The following TMEM260 variants were observed in gnomAD, a reference collection of about 807,000 sequenced individuals.
The protein encoded by TMEM260 is protein O-mannosyl-transferase TMEM260.
TMEM260 carries 82 observed loss-of-function variants against 88.9 expected under a neutral mutation model. The observed-to-expected ratio is 0.92, with a 90% CI of 0.77 to 1.11. The LOEUF is 1.11. TMEM260 is among the 50% of genes least tolerant of loss of function. The pLI, the probability that TMEM260 is intolerant of heterozygous loss-of-function variation, is 0.00. For synonymous variants in TMEM260, 314 were observed against 309.3 expected (o/e 1.02, Z -0.16); for missense variants, 902 against 853.4 (o/e 1.06, Z -0.71).
downstream of TMEM260, among the ~76,000 whole-genome samples, chr14:56,654,842 AT>A (rs142760637): frequency 0.054 from 5,182 of 96,152 alleles, 496 homozygotes; most frequent in African/African-American, 0.17. Context: ...AAAAAAAAAA[AT>A]GTTAAATGTC....
intron 15 of TMEM260, among the ~76,000 whole-genome samples, chr14:56,645,625 C>G (rs1889916183): frequency 7.6e-6 from 1 of 130,870 alleles, no homozygotes; most frequent in Non-Finnish European, 1.8e-5. Flanking sequence ...CACATGTACC[C>G]TAAAACTTAA....
chr14:56,624,322 C>G (rs892815174), intron 11 of TMEM260, among the ~76,000 whole-genome samples: 1 of 152,078 alleles, frequency 6.6e-6, no homozygotes, highest in African/African-American at 2.4e-5. Flanking sequence ...GTCTGTAATC[C>G]CAGAACTTTG....
In TMEM260 at chr14:56,634,854, A is replaced by AG. The variant is rs775887695; in HGVS notation, c.1725-45_1725-44insG. ...CAAAATTCTGTCTCAAAAAAAAAAA[A>AG]AAAGTGGGTGACAGAAAGATATTAC... On this transcript the variant is annotated intron_variant, in intron 13 of 15. Transcript: ENST00000261556. The AG allele has an allele frequency of 1.5e-5, 23 of 1,579,504 alleles. No individual in the cohort carries two copies. The Middle Eastern group carries it at 5.1e-4, about 35-fold the overall frequency.
chr14:56,610,125 C>T (rs149724766), intron 6 of TMEM260, among the ~76,000 whole-genome samples: 5 of 152,092 alleles, frequency 3.3e-5, no homozygotes, highest in African/African-American at 1.2e-4. Flanking sequence ...ACACCAAATT[C>T]AAGGTAGTAG....
intron 12 of TMEM260, among the ~76,000 whole-genome samples, chr14:56,628,591 T>C (rs113588926): frequency 9.9e-5 from 15 of 152,266 alleles, no homozygotes; most frequent in African/African-American, 3.4e-4. Flanking sequence ...CCTTTCTTCA[T>C]TGCATTGTAT....
chr14:56,586,593 A>G (rs762164370), intron 3 of TMEM260, among the ~76,000 whole-genome samples: 8 of 152,134 alleles, frequency 5.3e-5, no homozygotes, highest in Non-Finnish European at 1.0e-4. Flanking sequence ...CCTATACCTA[A>G]GAGGATTATA....
chr14:56,656,179 G>A, the TMEM260 span, among the ~76,000 whole-genome samples: 4 of 152,178 alleles, frequency 2.6e-5, no homozygotes, highest in Admixed American at 2.0e-4. Context: ...CACTTTGGGA[G>A]GCTGAGATGG....
chr14:56,611,400 CTG>C (rs2139573267), intron 6 of TMEM260, among the ~76,000 whole-genome samples: 1 of 152,068 alleles, frequency 6.6e-6, no homozygotes, highest in East Asian at 1.9e-4. Context: ...CATTTAAAAC[CTG>C]TGTCTTTTAG....
At position 56,609,036 on chromosome 14, in the gene TMEM260, T is replaced by C. The variant is rs1594841182; in HGVS notation, c.637-70T>C. On this transcript the variant is annotated intron_variant, in intron 5 of 15. Transcript: ENST00000261556. The stretch of plus-strand genomic sequence containing the variant: ...AACATATTTGATGTTTTCCTTGATA[T>C]GTTCTTGAAGTTCCGAGATGAATCT... 11 of 1,479,354 alleles carry C rather than the reference T, an allele frequency of 7.4e-6. No individual in the cohort carries two copies. The East Asian group carries it at 9.1e-5, about 12-fold the overall frequency. 91.6% of individuals were successfully genotyped at this position (1,479,354 alleles called of 1,614,324 possible). A position where few individuals can be genotyped will look rare whatever the true frequency, so the allele number is the denominator to read the frequency against.
intron 13 of TMEM260, 170 bp downstream of exon 13, chr14:56,633,341 C>G (rs756679944): frequency 3.8e-5 from 20 of 529,382 alleles, no homozygotes; most frequent in Non-Finnish European, 6.2e-5. Context: ...ATGTCCTTCT[C>G]GTTCTCCTAC....
At chr14:56,634,873 A>G (rs746083977) in intron 13 of TMEM260, 26 bp from the exon 14 acceptor site, 16 of 1,592,290 alleles carry the variant, frequency 1.0e-5, no homozygotes, top group African/African-American at 1.4e-5. Flanking sequence ...TGACAGAAAG[A>G]TATTACTGTT....
chr14:56,638,965 G>T (rs138631810), intron 15 of TMEM260, among the ~76,000 whole-genome samples: 5 of 152,196 alleles, frequency 3.3e-5, no homozygotes, highest in Non-Finnish European at 7.4e-5. Context: ...TGGTACATGT[G>T]ACTTAATAGG....
At chr14:56,585,335 A>G (rs1363523706) in intron 2 of TMEM260, among the ~76,000 whole-genome samples, 3 of 152,114 alleles carry the variant, frequency 2.0e-5, no homozygotes, top group Non-Finnish European at 2.9e-5. Flanking sequence ...AATAAACTTT[A>G]TTATGGTGCA....
chr14:56,659,767 G>A, the TMEM260 span, among the ~76,000 whole-genome samples: 4 of 152,186 alleles, frequency 2.6e-5, no homozygotes, highest in East Asian at 1.9e-4. Context: ...GATGAGTCAG[G>A]TTTTTGTAGC....
intron 1 of TMEM260, among the ~76,000 whole-genome samples, chr14:56,582,098 A>G (rs1170280751): frequency 6.6e-6 from 1 of 152,218 alleles, no homozygotes; most frequent in South Asian, 2.1e-4. Flanking sequence ...ATATGCCAAT[A>G]TGGAAAATTT....
In TMEM260 at chr14:56,647,711, T is replaced by C. The variant is rs1478646788; in HGVS notation, c.*214T>C. The C allele has an allele frequency of 7.6e-6, 4 of 526,442 alleles. No individual in the cohort carries two copies. The African/African-American group carries it at 7.9e-5, about 10-fold the overall frequency. The allele number at this position is 526,442 out of a possible 1,614,324, so 32.6% of individuals were successfully genotyped here. A position where few individuals can be genotyped will look rare whatever the true frequency, so the allele number is the denominator to read the frequency against. On this transcript the variant is annotated 3_prime_UTR_variant, in exon 16 of 16. Transcript: ENST00000261556. ...TTCTGTTTATCCCGTGTTACCAAAT[T>C]ACCATTTCAGTGAGAAGCTTTTGAA... is the stretch of plus-strand genomic sequence containing the variant.
chr14:56,608,764 A>G (rs1469874409), intron 5 of TMEM260, among the ~76,000 whole-genome samples: 1 of 152,254 alleles, frequency 6.6e-6, no homozygotes, highest in Non-Finnish European at 1.5e-5. Context: ...CAAACAACAC[A>G]TAATCACTTC....
Position 56,580,068 on chromosome 14 carries a change from G to T in TMEM260, c.154G>T (p.Asp52Tyr). 8.0e-7 allele frequency: 1 copy of T among 1,251,910 alleles called. No individual in the cohort carries two copies. The highest frequency in any genetic ancestry group is 3.1e-5 in the East Asian group (1 of 32,184). The allele number at this position is 1,251,910 out of a possible 1,614,324, so 77.6% of individuals were successfully genotyped here. The change falls in exon 1 of 16, where the codon GAC becomes TAC. Residue 52 changes from aspartate (D) to tyrosine (Y), a missense_variant. Transcript: ENST00000261556. ...FTLPPSVPGG[D>Y]SGELITAAHE... ...CCTGCCCCCTTCGGTACCGGGGGGA[G>T]ACTCCGGTAAAGTACTCGCAGGGTT...
rs1193534107 is a variant in TMEM260 at position 56,647,658 on chromosome 14, G to A, written c.*161G>A. On this transcript the variant is annotated 3_prime_UTR_variant, in exon 16 of 16. Coordinates refer to ENST00000261556, the MANE Select transcript of TMEM260 (RefSeq NM_017799.4). ...GCAGTACTGTTTAATGGGGTATTCAGTGACTAAGGTCTGCTATTTATGCAA... is the reference window on the plus strand; with the variant it reads ...GCAGTACTGTTTAATGGGGTATTCAATGACTAAGGTCTGCTATTTATGCAA... The A allele has an allele frequency of 9.6e-6, 7 of 726,178 alleles. No individual in the cohort carries two copies. The highest frequency in any genetic ancestry group is 4.0e-4 in the Middle Eastern group (1 of 2,514). 45.0% of individuals were successfully genotyped at this position (726,178 alleles called of 1,614,324 possible).
Sources: gnomAD v4.1 joint callset for allele counts (sites outside exome capture counted in the v4.1 genomes callset) on GRCh38, gnomAD v4.1.1 for gene constraint, MANE v1.5 for transcripts, NCBI Gene and HGNC (gene_info 2026-07-23, HGNC 2026-07-21) for gene names.